HLA-DRB5: variants seen among roughly 807,000 people sequenced by gnomAD.
HLA-DRB5 encodes DR beta-5.
A neutral mutation model predicts 22.4 loss-of-function variants in HLA-DRB5; 11 were observed. That is an observed-to-expected ratio of 0.49 (90% CI 0.31 to 0.81). HLA-DRB5 has a LOEUF of 0.81. Among genes scored for constraint, HLA-DRB5 ranks in the 40% least tolerant of loss-of-function variants. The probability of loss-of-function intolerance (pLI) is 0.05; values close to 1 mark genes in which losing one functional copy is unlikely to be tolerated. For synonymous variants in HLA-DRB5, 57 were observed against 106.0 expected, an observed-to-expected ratio of 0.54 and a Z score of 2.84; for missense variants, 106 against 274.4, an observed-to-expected ratio of 0.39 and a Z score of 4.34.
At chr6:32,519,142 T>A (rs1399693065) in intron 3 of HLA-DRB5, among the ~76,000 whole-genome samples, 9 of 97,910 alleles carry the variant, frequency 9.2e-5, no homozygotes, top group African/African-American at 3.9e-4. Flanking sequence ...CATGGGGAGG[T>A]TCAAAACAGG....
At chr6:32,524,366 G>A (rs114505263) in intron 1 of HLA-DRB5, among the ~76,000 whole-genome samples, 1,137 of 100,162 alleles carry the variant, frequency 0.011, no homozygotes, top group Admixed American at 0.016. Context: ...ATTATCTGTA[G>A]TAGTGAATCA....
chr6:32,522,023 C>A lies in HLA-DRB5; in HGVS notation c.252G>T (p.Arg84=), dbSNP rs753447999. 2 of 1,561,700 alleles carry A rather than the reference C, an allele frequency of 1.3e-6. No homozygotes were observed. The highest frequency in any genetic ancestry group is 8.7e-7 in the Non-Finnish European group (1 of 1,143,706). ...GEYRAVTELG[R]PDAEYWNSQK... is the part of the protein sequence containing the mutation. ...GGCTGTTCCAGTACTCAGCGTCAGG[C>A]CGCCCCAGCTCCGTCACCGCCCGGT... Residue 84 remains arginine, a synonymous_variant, in exon 2 of 6, where the codon CGG becomes CGT. Transcript: ENST00000374975.
At chr6:32,528,432 T>C in intron 1 of HLA-DRB5, among the ~76,000 whole-genome samples, 1 of 111,276 alleles carries the variant, frequency 9.0e-6, no homozygotes, top group East Asian at 3.0e-4. Flanking sequence ...TAACTGTGGT[T>C]TATATTAATA....
chr6:32,525,649 C>T (rs1396884749), intron 1 of HLA-DRB5, among the ~76,000 whole-genome samples: 9,382 of 75,246 alleles, frequency 0.12, 127 homozygotes, highest in East Asian at 0.16. Context: ...ATTTCTAGCA[C>T]CAAATTTGTG....
intron 1 of HLA-DRB5, among the ~76,000 whole-genome samples, chr6:32,526,152 G>A (rs112063489): frequency 1.4e-4 from 9 of 65,918 alleles, no homozygotes; most frequent in East Asian, 4.0e-4. Context: ...CTCTTCAAAT[G>A]GTCCAATCCA....
Position 32,522,101 on chromosome 6 carries a change from TCTG to T in HLA-DRB5, c.171_173del (p.His57_Arg58delinsGln). 1 of 1,149,840 alleles carries T rather than the reference TCTG, an allele frequency of 8.7e-7. No individual in the cohort carries two copies. Among genetic ancestry groups the T allele is most frequent in the Non-Finnish European group, 1.2e-6 (1 of 802,664 alleles). 71.2% of individuals were successfully genotyped at this position (1,149,840 alleles called of 1,614,324 possible). A position where few individuals can be genotyped will look rare whatever the true frequency, so the allele number is the denominator to read the frequency against. ...AGTCCTCCTCTTGGTTATAGATGTC[TCTG>T]TGCAGGAACCGCACCCGCTCCGTCC... On this transcript the variant is annotated inframe_deletion, in exon 2 of 6. Transcript: ENST00000374975.
intron 2 of HLA-DRB5, among the ~76,000 whole-genome samples, chr6:32,520,490 C>T (rs143363040): frequency 0.57 from 30,770 of 53,682 alleles, 11,704 homozygotes; most frequent in Middle Eastern, 0.69. Context: ...AAAATTCTTA[C>T]ATTTACATTT....
intron 1 of HLA-DRB5, among the ~76,000 whole-genome samples, chr6:32,523,149 C>T (rs150879204): frequency 0.1 from 4,213 of 41,414 alleles, 11 homozygotes; most frequent in Middle Eastern, 0.12. Flanking sequence ...AGAATAAAAC[C>T]ATGATCCCAT....
intron 2 of HLA-DRB5, among the ~76,000 whole-genome samples, chr6:32,521,240 A>C (rs1768825061): frequency 1.2e-5 from 1 of 80,938 alleles, no homozygotes; most frequent in African/African-American, 5.1e-5. Context: ...ATTTTAATCA[A>C]AAAGTTAGTT....
chr6:32,524,149 A>G (rs1581599878), intron 1 of HLA-DRB5, among the ~76,000 whole-genome samples: 1 of 41,520 alleles, frequency 2.4e-5, no homozygotes, highest in Non-Finnish European at 5.1e-5. Context: ...TGAGAATTGT[A>G]TTGAAAAATA....
At chr6:32,520,304 T>C (rs191018606) in intron 2 of HLA-DRB5, among the ~76,000 whole-genome samples, 965 of 52,046 alleles carry the variant, frequency 0.019, 37 homozygotes, top group South Asian at 0.029. Flanking sequence ...AAAAGGAGAC[T>C]GAGTATGAAT....
intron 1 of HLA-DRB5, among the ~76,000 whole-genome samples, chr6:32,523,612 A>T (rs879885037): frequency 1.6e-5 from 1 of 61,288 alleles, no homozygotes; most frequent in Non-Finnish European, 3.4e-5. Context: ...TAATAGAGGT[A>T]GTGCTGACCA....
intron 3 of HLA-DRB5, among the ~76,000 whole-genome samples, 189 bp downstream of exon 3, chr6:32,519,181 C>T (rs553260432): frequency 8.3e-4 from 32 of 38,562 alleles, no homozygotes; most frequent in East Asian, 2.5e-3. Flanking sequence ...CCAGGAATGA[C>T]TGCTTCCCCA....
At chr6:32,523,501 C>A (rs115914228) in intron 1 of HLA-DRB5, among the ~76,000 whole-genome samples, 674 of 20,710 alleles carry the variant, frequency 0.033, 213 homozygotes, top group Non-Finnish European at 0.036. Context: ...CATTATGAAT[C>A]ATACCAAATG....
intron 1 of HLA-DRB5, among the ~76,000 whole-genome samples, chr6:32,523,581 T>C (rs72508443): frequency 0.21 from 7,211 of 34,712 alleles, 2,254 homozygotes; most frequent in East Asian, 0.26. Context: ...TTGTGACTTA[T>C]AAGGGCAAGT....
chr6:32,526,037 C>CT (rs1356577657), intron 1 of HLA-DRB5, among the ~76,000 whole-genome samples: 1 of 84,620 alleles, frequency 1.2e-5, no homozygotes, highest in Non-Finnish European at 2.7e-5. Flanking sequence ...GCCTCTTTAG[C>CT]CTTTTCCTTT....
chr6:32,530,013 T>A lies in HLA-DRB5; in HGVS notation c.100+112A>T, dbSNP rs971062183. On this transcript the variant is annotated intron_variant, in intron 1 of 5. Transcript: ENST00000374975. ...GGGATCCCATGATAAAGATGGGCAATCTCTGAAGAAAATGTCACAATTTCT... is the reference window on the plus strand; with the variant it reads ...GGGATCCCATGATAAAGATGGGCAAACTCTGAAGAAAATGTCACAATTTCT... 6 of 644,434 alleles carry A rather than the reference T, an allele frequency of 9.3e-6. No individual in the cohort carries two copies. In the African/African-American group the frequency reaches 1.4e-4, roughly 15 times the overall value. 39.9% of individuals were successfully genotyped at this position (644,434 alleles called of 1,614,324 possible).
intron 1 of HLA-DRB5, among the ~76,000 whole-genome samples, chr6:32,528,343 C>T (rs142271658): frequency 7.6e-5 from 7 of 91,574 alleles, no homozygotes; most frequent in Non-Finnish European, 1.1e-4. Context: ...CCTTGAGAGT[C>T]GGGACCCTCT....
intron 4 of HLA-DRB5, 67 bp downstream of exon 4, chr6:32,518,489 C>A: frequency 2.1e-6 from 1 of 478,968 alleles, no homozygotes. Flanking sequence ...GAGAACTAAC[C>A]TCAGCAAAGC....
Sources: allele counts gnomAD v4.1 joint callset (sites outside exome capture counted in the v4.1 genomes callset), GRCh38; gene constraint gnomAD v4.1.1; transcripts MANE v1.5; gene names NCBI Gene and HGNC (gene_info 2026-07-23, HGNC 2026-07-21).